Variants in FBXO3 observed in about 807,000 individuals in gnomAD.
The protein encoded by FBXO3 is F-box only protein 3.
Under a neutral mutation model 64.8 loss-of-function variants are expected in FBXO3, and 17 were observed. That is an observed-to-expected ratio of 0.26 (90% CI 0.18 to 0.39). The LOEUF is 0.39. FBXO3 is among the 10% of genes least tolerant of loss of function. The pLI is 1.00. For synonymous variants in FBXO3, 182 were observed against 201.6 expected (o/e 0.90, Z 0.82); for missense variants, 420 against 589.9 (o/e 0.71, Z 2.98).
At chr11:33,753,496 TAAC>T (rs1855014679) in intron 6 of FBXO3, 1 of 152,092 alleles carries the variant, frequency 6.6e-6, no homozygotes, top group African/African-American at 2.4e-5. Context: ...TATGCAAAAA[TAAC>T]AACGAGGGCA....
intron 10 of FBXO3, chr11:33,744,495 A>G (rs1384600137): frequency 6.6e-6 from 1 of 152,230 alleles, no homozygotes; most frequent in African/African-American, 2.4e-5. Flanking sequence ...AGGAAGTGTT[A>G]AGCCTACGAA....
At chr11:33,750,716 C>A (rs550618208) in intron 7 of FBXO3, 55 bp from the exon 8 acceptor site, 3 of 1,520,760 alleles carry the variant, frequency 2.0e-6, no homozygotes, top group African/African-American at 1.4e-5. Flanking sequence ...TTAAAAGATA[C>A]GATGCAAAAT....
intron 3 of FBXO3, among the ~76,000 whole-genome samples, chr11:33,762,841 A>G (rs931554732): frequency 1.3e-5 from 2 of 152,100 alleles, no homozygotes; most frequent in African/African-American, 4.8e-5. Context: ...CTCTTTGAAA[A>G]GATTAATAAA....
intron 4 of FBXO3, chr11:33,757,032 C>G (rs1165988876): frequency 1.9e-6 from 1 of 518,748 alleles, no homozygotes; most frequent in Admixed American, 1.9e-5. Context: ...ACCCTGCCCC[C>G]AAGATTTGAC....
At chr11:33,770,708 G>A in intron 2 of FBXO3, 33 bp downstream of exon 2, 1 of 1,559,096 alleles carries the variant, frequency 6.4e-7, no homozygotes, top group Non-Finnish European at 8.8e-7. Context: ...CCAAGGGCCA[G>A]TTTTCAGAAG....
chr11:33,751,087 A>AC (rs1854944484), intron 7 of FBXO3, among the ~76,000 whole-genome samples: 1 of 152,228 alleles, frequency 6.6e-6, no homozygotes, highest in Non-Finnish European at 1.5e-5. Flanking sequence ...CATTTCTGCC[A>AC]ACCAGGCTAT....
chr11:33,761,589 G>C (rs551981848), intron 3 of FBXO3, among the ~76,000 whole-genome samples: 345 of 152,278 alleles, frequency 2.3e-3, no homozygotes, highest in African/African-American at 7.7e-3. Context: ...AGTGGCTGTA[G>C]TTTTCTCCTG....
At chr11:33,757,876 A>C (rs1855146915) in intron 4 of FBXO3, among the ~76,000 whole-genome samples, 1 of 151,092 alleles carries the variant, frequency 6.6e-6, no homozygotes, top group Non-Finnish European at 1.5e-5. Flanking sequence ...GGATTGCTTG[A>C]GCCAGGGGAG....
intron 3 of FBXO3, 129 bp downstream of exon 3, chr11:33,768,722 G>C (rs1915894): frequency 0.26 from 280,615 of 1,074,674 alleles, 38,601 homozygotes; most frequent in African/African-American, 0.38. Flanking sequence ...GGCCAAATAT[G>C]AACAGTAAAT....
chr11:33,756,146 A>G (rs1019381407), intron 4 of FBXO3, among the ~76,000 whole-genome samples, 171 bp from the exon 5 acceptor site: 8 of 152,122 alleles, frequency 5.3e-5, no homozygotes, highest in Non-Finnish European at 7.4e-5. Flanking sequence ...TTTAATTCAA[A>G]CTCTTTTGAT....
chr11:33,746,808 A>C (rs1374331006), intron 10 of FBXO3: 1 of 1,411,272 alleles, frequency 7.1e-7, no homozygotes, highest in Non-Finnish European at 9.2e-7. Context: ...TTTGAGCAAA[A>C]ACACTGTAAG....
At chr11:33,756,682 A>G (rs1307055519) in intron 4 of FBXO3, among the ~76,000 whole-genome samples, 1 of 152,210 alleles carries the variant, frequency 6.6e-6, no homozygotes, top group African/African-American at 2.4e-5. Flanking sequence ...AAAAATAGCC[A>G]ATAATTTAGG....
chr11:33,758,044 AT>A (rs1324690342), intron 4 of FBXO3, among the ~76,000 whole-genome samples: 3 of 152,252 alleles, frequency 2.0e-5, no homozygotes, highest in Non-Finnish European at 4.4e-5. Flanking sequence ...TGTGTTTAAT[AT>A]GACAAAACAA....
intron 6 of FBXO3, chr11:33,753,556 AG>A: frequency 6.6e-6 from 1 of 152,380 alleles, no homozygotes; most frequent in African/African-American, 2.4e-5. Flanking sequence ...TAGAAACCAG[AG>A]ACCACATGAG....
chr11:33,754,583 ACGAGG>A, intron 5 of FBXO3, 83 bp from the exon 6 acceptor site: 1 of 1,139,920 alleles, frequency 8.8e-7, no homozygotes. Flanking sequence ...TTCCCTGGAG[ACGAGG>A]CAAAACAGAT....
intron 6 of FBXO3, chr11:33,753,447 T>A (rs1590569591): frequency 1.3e-5 from 2 of 152,224 alleles, no homozygotes; most frequent in African/African-American, 2.4e-5. Flanking sequence ...GTAGCACTGC[T>A]GGACCACAGC....
At chr11:33,773,121 A>G (rs537729847) in intron 1 of FBXO3, 1 of 152,354 alleles carries the variant, frequency 6.6e-6, no homozygotes, top group South Asian at 2.1e-4. Context: ...TACAAGCCAG[A>G]TGATAAGAGC....
At chr11:33,764,261 T>G (rs1855313480) in intron 3 of FBXO3, among the ~76,000 whole-genome samples, 1 of 152,186 alleles carries the variant, frequency 6.6e-6, no homozygotes, top group Non-Finnish European at 1.5e-5. Context: ...TACTTAATCA[T>G]ACAACTTACA....
chr11:33,771,100 C>T (rs58773215), intron 1 of FBXO3: 161 of 270,366 alleles, frequency 6.0e-4, no homozygotes, highest in African/African-American at 3.3e-3. Context: ...CCATATATGC[C>T]ATTGGAGTTA....
Sources: gnomAD v4.1 joint callset for allele counts (sites outside exome capture counted in the v4.1 genomes callset) on GRCh38, gnomAD v4.1.1 for gene constraint, MANE v1.5 for transcripts, NCBI Gene and HGNC (gene_info 2026-07-23, HGNC 2026-07-21) for gene names.